The following CRIP2 variants were observed in gnomAD, a reference collection of about 807,000 sequenced individuals.
The protein encoded by CRIP2 is cysteine-rich protein 2.
In CRIP2, 31 loss-of-function variants were observed where a neutral mutation model predicts 31.3. The observed-to-expected ratio is 0.99, with a 90% CI of 0.74 to 1.34. CRIP2 has a LOEUF of 1.34. Among genes scored for constraint, CRIP2 ranks in the 40% most tolerant of loss-of-function variants. CRIP2 has a pLI of 0.00. For synonymous variants in CRIP2, 177 were observed against 127.2 expected (o/e 1.39, Z -2.63); for missense variants, 389 against 301.6 (o/e 1.29, Z -2.15).
At chr14:105,473,101 C>G, upstream of CRIP2, 1 of 1,014,016 alleles carries the variant, frequency 9.9e-7, no homozygotes, top group Non-Finnish European at 1.4e-6. Context: ...CCCCAGGCTC[C>G]CAAGCTGGGC....
upstream of CRIP2, chr14:105,473,539 C>T: frequency 1.2e-5 from 19 of 1,526,470 alleles, no homozygotes; most frequent in Non-Finnish European, 1.7e-5. Flanking sequence ...AGCCCACAGC[C>T]TCCAAGACAC....
intron 1 of CRIP2, chr14:105,475,335 G>A (rs1555435576): frequency 1.2e-5 from 2 of 163,992 alleles, no homozygotes; most frequent in Non-Finnish European, 2.6e-5. Flanking sequence ...CCCTACACCC[G>A]CTTCCCCCGG....
Position 105,480,007 on chromosome 14 carries a change from G to C in CRIP2, c.*354G>C. Reference sequence around the variant, plus strand: ...TGCCAGTGTTATTTATGCTCCCTTCGTGGGTGATGGCCACGCCCTCACCAT... The same window carrying C: ...TGCCAGTGTTATTTATGCTCCCTTCCTGGGTGATGGCCACGCCCTCACCAT... On this transcript the variant is annotated 3_prime_UTR_variant, in exon 8 of 8. Coordinates refer to ENST00000329146, the MANE Select transcript of CRIP2 (RefSeq NM_001312.4). 3.3e-6 allele frequency: 1 copy of C among 303,682 alleles called. No individual in the cohort carries two copies. Among genetic ancestry groups the C allele is most frequent in the Non-Finnish European group, 6.4e-6 (1 of 157,232 alleles). The allele number at this position is 303,682 out of a possible 1,614,324, so 18.8% of individuals were successfully genotyped here. A position where few individuals can be genotyped will look rare whatever the true frequency, so the allele number is the denominator to read the frequency against.
chr14:105,474,055 G>T (rs1196332074), upstream of CRIP2: 1 of 157,316 alleles, frequency 6.4e-6, no homozygotes, highest in African/African-American at 2.4e-5. The surrounding 1 kb of genome is among the most constrained non-coding windows in gnomAD (Gnocchi z 5.1). Flanking sequence ...ATCCCTCGGC[G>T]CTGGTGCCCG....
intron 1 of CRIP2, chr14:105,475,375 GC>G: frequency 6.4e-6 from 1 of 155,570 alleles, no homozygotes; most frequent in East Asian, 1.9e-4. Flanking sequence ...GTGACCCCCA[GC>G]TCCCACTCCG....
chr14:105,478,411 A>G lies in CRIP2; in HGVS notation c.139-39A>G. The G allele has an allele frequency of 6.3e-7, 1 of 1,585,538 alleles. No homozygotes were observed. Among genetic ancestry groups the G allele is most frequent in the South Asian group, 1.1e-5 (1 of 88,848 alleles). ...GGGGGCGGGGGTCGCGACTCCCGCC[A>G]CCCTCAGGCAGGGTCCTGACCCGCG... is the stretch of plus-strand genomic sequence containing the variant. On this transcript the variant is annotated intron_variant, in intron 2 of 7. Coordinates refer to ENST00000329146, the MANE Select transcript of CRIP2 (RefSeq NM_001312.4). The surrounding 1 kb of genome is among the most constrained non-coding windows in gnomAD (Gnocchi z 4.9).
rs1003117198 is a variant in CRIP2 at position 105,478,294 on chromosome 14, C to T, written c.72C>T (p.Asp24=). Residue 24 remains aspartate (D), a synonymous_variant, in exon 2 of 8, where the codon GAC becomes GAT. Transcript: ENST00000329146. The surrounding 1 kb of genome is among the most constrained non-coding windows in gnomAD (Gnocchi z 4.9). ...AGAAGGTGAGCTCCCTGGGGAAGGA[C>T]TGGCACAAGTTCTGCCTCAAGTGCG... ...FAEKVSSLGK[D]WHKFCLKCER... The T allele has an allele frequency of 1.9e-5, 30 of 1,572,024 alleles. No homozygotes were observed. The highest frequency in any genetic ancestry group is 2.6e-5 in the Non-Finnish European group (30 of 1,160,664).
chr14:105,475,020 G>C (rs1400396374), intron 1 of CRIP2, 115 bp downstream of exon 1: 1 of 1,177,194 alleles, frequency 8.5e-7, no homozygotes, highest in Admixed American at 4.4e-5. Context: ...GCCCCGGACC[G>C]AGGATGCGCG....
In CRIP2 at chr14:105,475,372, C is replaced by G. The variant is rs1233227657; in HGVS notation, c.43+467C>G. On this transcript the variant is annotated intron_variant, in intron 1 of 7. Coordinates refer to ENST00000329146, the MANE Select transcript of CRIP2 (RefSeq NM_001312.4). Reference sequence around the variant, plus strand: ...AACAAGTGGCCGGGAACAGTGACCCCCAGCTCCCACTCCGGGCTCCGCTGA... The same window carrying G: ...AACAAGTGGCCGGGAACAGTGACCCGCAGCTCCCACTCCGGGCTCCGCTGA... 11 of 155,736 alleles carry G rather than the reference C, an allele frequency of 7.1e-5. No individual in the cohort carries two copies. In the Admixed American group the frequency reaches 7.2e-4, roughly 10 times the overall value. 9.6% of individuals were successfully genotyped at this position (155,736 alleles called of 1,614,324 possible).
intron 1 of CRIP2, chr14:105,476,753 G>A: frequency 1.0e-6 from 1 of 985,570 alleles, no homozygotes; most frequent in Non-Finnish European, 1.2e-6. Flanking sequence ...GTGTGTCCCA[G>A]CTTCCTTGAG....
At position 105,478,390 on chromosome 14, in the gene CRIP2, G is replaced by A. The variant is rs782818528; in HGVS notation, c.138+30G>A. Reference sequence around the variant, plus strand: ...GCCCCACTGCGCGGCGCGGGCGGGGGCGGGGGTCGCGACTCCCGCCACCCT... The same window carrying A: ...GCCCCACTGCGCGGCGCGGGCGGGGACGGGGGTCGCGACTCCCGCCACCCT... On this transcript the variant is annotated intron_variant, in intron 2 of 7. Transcript: ENST00000329146. The surrounding 1 kb of genome is among the most constrained non-coding windows in gnomAD (Gnocchi z 4.9). The A allele has an allele frequency of 1.3e-6, 2 of 1,572,356 alleles. No homozygotes were observed. Among genetic ancestry groups the A allele is most frequent in the East Asian group, 2.3e-5 (1 of 42,780 alleles).
chr14:105,473,427 CAGCCAGGACCACCATGAA>C (rs782568412), upstream of CRIP2: 13 of 1,535,608 alleles, frequency 8.5e-6, no homozygotes, highest in African/African-American at 1.4e-5. Flanking sequence ...ACAGAGAGCC[CAGCCAGGACCACCATGAA>C]AGCCAGGAGC....
In CRIP2 at chr14:105,478,775, C is replaced by T. The variant is rs587625819; in HGVS notation, c.241C>T (p.Leu81=). ...GGGCTCCTACATCTACGAGAAGCCC[C>T]TGGCGGAGGGGCCGCAGGTCACCGG... The part of the protein sequence containing the change: ...GAGSYIYEKP[L]AEGPQVTGPI... Residue 81 remains leucine, a synonymous_variant, in exon 4 of 8, where the codon CTG becomes TTG. Transcript: ENST00000329146. This position sits in a 1 kb window ranked among gnomAD's most constrained non-coding sequence, Gnocchi z 4.9. 2.0e-4 allele frequency: 289 copies of T among 1,432,174 alleles called. No individual in the cohort carries two copies. The highest frequency in any genetic ancestry group is 2.4e-4 in the Non-Finnish European group (265 of 1,099,722). The allele number at this position is 1,432,174 out of a possible 1,614,324, so 88.7% of individuals were successfully genotyped here.
At position 105,479,712 on chromosome 14, in the gene CRIP2, CT is replaced by C. The variant is rs2084050296; in HGVS notation, c.*60del. The C allele has an allele frequency of 3.9e-6, 6 of 1,539,580 alleles. No homozygotes were observed. The South Asian group carries it at 5.8e-5, about 15-fold the overall frequency. ...CGCCCCAGACCCTGCAGGGGCCCCC[CT>C]GCTTGGCTCTGCTGGGAGAGTGCTC... On this transcript the variant is annotated 3_prime_UTR_variant, in exon 8 of 8. Transcript: ENST00000329146.
intron 1 of CRIP2, chr14:105,477,537 GT>G (rs1384542749): frequency 5.3e-5 from 52 of 984,492 alleles, no homozygotes; most frequent in Non-Finnish European, 5.9e-5. Flanking sequence ...TCAGGGGCGT[GT>G]CAGTGCGAGG....
chr14:105,476,312 C>A (rs991686951), intron 1 of CRIP2: 12 of 985,484 alleles, frequency 1.2e-5, no homozygotes, highest in Non-Finnish European at 1.4e-5. Context: ...AAAACAAAGG[C>A]GCTTCAGACC....
At chr14:105,474,666 C>G (rs2083893542), upstream of CRIP2, 1 of 579,886 alleles carries the variant, frequency 1.7e-6, no homozygotes, top group African/African-American at 2.0e-5. The surrounding 1 kb of genome is among the most constrained non-coding windows in gnomAD (Gnocchi z 5.1). Context: ...TGCCCCGCAC[C>G]CGCCACCCCC....
chr14:105,479,546 C>T lies in CRIP2; in HGVS notation c.560-40C>T, dbSNP rs190426348. ...GTCTTCCCTGCCCTCCCCTTCCCTC[C>T]ACTGTTCCCCCGACCCACCCCAGCG... On this transcript the variant is annotated intron_variant, in intron 7 of 7. Transcript: ENST00000329146. The T allele has an allele frequency of 8.7e-6, 14 of 1,612,806 alleles. No homozygotes were observed. The East Asian group carries it at 2.5e-4, about 28-fold the overall frequency.
Position 105,479,614 on chromosome 14 carries a change from C to T in CRIP2, c.588C>T (p.Tyr196=). 6.2e-7 allele frequency: 1 copy of T among 1,612,844 alleles called. No homozygotes were observed. Among genetic ancestry groups the T allele is most frequent in the Non-Finnish European group, 8.5e-7 (1 of 1,179,948 alleles). Residue 196 remains tyrosine (Y), a synonymous_variant, in exon 8 of 8, where the codon TAC becomes TAT. Transcript: ENST00000329146. ...TGAACACCGGTGCGGTGGGCAGCTA[C>T]ATCTATGACCGGGACCCCGAAGGCA... ...KGVNTGAVGS[Y]IYDRDPEGKV...
Sources: gnomAD v4.1 joint callset for allele counts on GRCh38, gnomAD v4.1.1 for gene constraint, Gnocchi (gnomAD v3.1) non-coding constraint, MANE v1.5 for transcripts, NCBI Gene and HGNC (gene_info 2026-07-23, HGNC 2026-07-21) for gene names.